Variants in PRKN observed in about 807,000 individuals in gnomAD.
The protein encoded by PRKN is E3 ubiquitin-protein ligase parkin.
PRKN carries 56 observed loss-of-function variants against 59.5 expected under a neutral mutation model. The ratio of observed to expected loss-of-function variants is 0.94; its 90% CI spans 0.76 to 1.18. The LOEUF (loss-of-function observed/expected upper bound fraction) is 1.18. PRKN is among the 50% of genes most tolerant of loss of function. The probability of loss-of-function intolerance (pLI) is 0.00; values close to 1 mark genes in which losing one functional copy is unlikely to be tolerated. For synonymous variants in PRKN, 250 were observed against 222.1 expected, an observed-to-expected ratio of 1.13 and a Z score of -1.12; for missense variants, 657 against 596.4, an observed-to-expected ratio of 1.10 and a Z score of -1.06.
At chr6:162,510,188 G>A (rs551144148) in intron 1 of PRKN, among the ~76,000 whole-genome samples, 52 of 152,246 alleles carry the variant, frequency 3.4e-4, no homozygotes, top group East Asian at 1.9e-4. Context: ...CTAAATAGAC[G>A]TTTTTATTTA....
chr6:162,418,962 C>T lies in PRKN; in HGVS notation c.171+24348G>A, dbSNP rs575171701. 1.8e-3 allele frequency among the ~76,000 whole-genome samples: 269 copies of T among 151,800 alleles called. 1 individual carries two copies. Among genetic ancestry groups the T allele is most frequent in the African/African-American group, 5.7e-3 (237 of 41,404 alleles). On this transcript the variant is annotated intron_variant, in intron 2 of 11. Coordinates refer to ENST00000366898, the MANE Select transcript of PRKN (RefSeq NM_004562.3). ...TCCCACCCCCCAACCCTGGAGGTGTCACAAACTGGGAAGCAGGCACAAGGG... is the reference window on the plus strand; with the variant it reads ...TCCCACCCCCCAACCCTGGAGGTGTTACAAACTGGGAAGCAGGCACAAGGG...
At chr6:161,687,444 T>C (rs1057143341) in intron 7 of PRKN, among the ~76,000 whole-genome samples, 8 of 147,914 alleles carry the variant, frequency 5.4e-5, no homozygotes, top group African/African-American at 1.8e-4. Context: ...ATAAGATATA[T>C]CTTTTTTTTT....
At chr6:162,019,777 G>A (rs1231118317) in intron 5 of PRKN, among the ~76,000 whole-genome samples, 2 of 152,248 alleles carry the variant, frequency 1.3e-5, no homozygotes, top group Admixed American at 6.5e-5. Context: ...CCAGCACTTT[G>A]GGAGGCCAAG....
intron 6 of PRKN, among the ~76,000 whole-genome samples, chr6:161,852,924 T>C (rs1234552311): frequency 6.6e-6 from 1 of 151,936 alleles, no homozygotes; most frequent in Non-Finnish European, 1.5e-5. Context: ...GCCAGAGAAA[T>C]GAGATGAGCT....
intron 2 of PRKN, among the ~76,000 whole-genome samples, chr6:162,315,335 TA>T (rs1782707691): frequency 6.6e-6 from 1 of 152,200 alleles, no homozygotes; most frequent in African/African-American, 2.4e-5. Context: ...TCAATGGCTT[TA>T]TTCGGTTAAT....
chr6:161,900,655 A>G (rs1159529687), intron 6 of PRKN, among the ~76,000 whole-genome samples: 2 of 131,808 alleles, frequency 1.5e-5, no homozygotes, highest in Non-Finnish European at 3.1e-5. Context: ...TATTATATAT[A>G]ACATATATTA....
chr6:162,681,833 T>C (rs987835321), intron 1 of PRKN, among the ~76,000 whole-genome samples: 12 of 152,106 alleles, frequency 7.9e-5, no homozygotes, highest in Non-Finnish European at 1.2e-4. Context: ...TGGGTCCAAA[T>C]AGACCCAACT....
chr6:162,319,913 A>C (rs1782914527), intron 2 of PRKN, among the ~76,000 whole-genome samples: 1 of 152,018 alleles, frequency 6.6e-6, no homozygotes, highest in Non-Finnish European at 1.5e-5. Flanking sequence ...TGAATAATAT[A>C]TATAATATAC....
At chr6:162,198,861 C>G (rs1784604986) in intron 4 of PRKN, among the ~76,000 whole-genome samples, 1 of 152,050 alleles carries the variant, frequency 6.6e-6, no homozygotes, top group Admixed American at 6.5e-5. Context: ...CCATTTAGTC[C>G]CCACAACACT....
At chr6:161,890,042 G>T (rs1477128187) in intron 6 of PRKN, among the ~76,000 whole-genome samples, 1 of 152,118 alleles carries the variant, frequency 6.6e-6, no homozygotes, top group Non-Finnish European at 1.5e-5. Flanking sequence ...GACTCATGGG[G>T]TCAGAACAGG....
intron 1 of PRKN, among the ~76,000 whole-genome samples, chr6:162,664,021 G>T (rs1300528690): frequency 1.3e-5 from 2 of 151,880 alleles, no homozygotes; most frequent in Non-Finnish European, 2.9e-5. Flanking sequence ...TGCACCTATT[G>T]ACCTGTCCTC....
At chr6:162,284,209 T>C (rs979461535) in intron 2 of PRKN, among the ~76,000 whole-genome samples, 44 of 134,600 alleles carry the variant, frequency 3.3e-4, no homozygotes, top group Non-Finnish European at 5.4e-4. Context: ...ATTGTGTTAT[T>C]TCTTTCTTTT....
At chr6:162,481,484 TCCATTAAGTGGAAA>T (rs1792308799) in intron 1 of PRKN, among the ~76,000 whole-genome samples, 1 of 152,214 alleles carries the variant, frequency 6.6e-6, no homozygotes, top group African/African-American at 2.4e-5. Flanking sequence ...GTATAATGTT[TCCATTAAGTGGAAA>T]TTCAAGGGCA....
intron 2 of PRKN, among the ~76,000 whole-genome samples, chr6:162,432,602 T>C (rs1789592246): frequency 3.9e-5 from 6 of 152,198 alleles, no homozygotes; most frequent in Admixed American, 3.9e-4. Context: ...ATGTATTTAA[T>C]CTGCAAGGCT....
intron 2 of PRKN, among the ~76,000 whole-genome samples, chr6:162,357,824 T>C (rs911767743): frequency 2.6e-5 from 4 of 152,218 alleles, no homozygotes; most frequent in Non-Finnish European, 5.9e-5. Flanking sequence ...CTATATACTT[T>C]CTGGCTCTAA....
At chr6:162,505,793 G>GT (rs5881479) in intron 1 of PRKN, among the ~76,000 whole-genome samples, 42,793 of 152,018 alleles carry the variant, frequency 0.28, 6,882 homozygotes, top group Middle Eastern at 0.37. Flanking sequence ...CTGGAAAACT[G>GT]TGAGTATTTG....
chr6:162,264,286 A>T (rs969656447), intron 2 of PRKN, among the ~76,000 whole-genome samples: 11 of 152,160 alleles, frequency 7.2e-5, no homozygotes, highest in South Asian at 2.1e-4. Flanking sequence ...CTCAAAAAAT[A>T]AAATTAAATT....
At chr6:162,447,254 G>A (rs1157986481) in intron 1 of PRKN, among the ~76,000 whole-genome samples, 1 of 152,068 alleles carries the variant, frequency 6.6e-6, no homozygotes, top group Admixed American at 6.6e-5. Context: ...GATTAGATAG[G>A]ATGTGGGTAA....
At chr6:162,277,523 T>C (rs762673752) in intron 2 of PRKN, among the ~76,000 whole-genome samples, 17 of 152,300 alleles carry the variant, frequency 1.1e-4, no homozygotes, top group Middle Eastern at 6.8e-3. Context: ...ATGTGATCTG[T>C]ATATTTGACT....
Sources: allele counts gnomAD v4.1 joint callset (sites outside exome capture counted in the v4.1 genomes callset), GRCh38; gene constraint gnomAD v4.1.1; transcripts MANE v1.5; gene names NCBI Gene and HGNC (gene_info 2026-07-23, HGNC 2026-07-21).